The following HCRTR2 variants were observed in gnomAD, a reference collection of about 807,000 sequenced individuals.
The protein encoded by HCRTR2 is hypocretin receptor 2.
HCRTR2 carries 22 observed loss-of-function variants against 49.0 expected under a neutral mutation model. That is an observed-to-expected ratio of 0.45 (90% confidence interval 0.32 to 0.64). The LOEUF (loss-of-function observed/expected upper bound fraction) is 0.64, where lower values mean the gene tolerates loss of function less well. Ranked by LOEUF, HCRTR2 falls within the 30% of genes least tolerant of loss-of-function variation. HCRTR2 has a pLI of 0.04. For synonymous variants in HCRTR2, 236 were observed against 205.3 expected, an observed-to-expected ratio of 1.15 and a Z score of -1.28; for missense variants, 491 against 559.4, an observed-to-expected ratio of 0.88 and a Z score of 1.23.
At chr6:55,277,067 C>T (rs761379690) in intron 4 of HCRTR2, among the ~76,000 whole-genome samples, 3 of 152,164 alleles carry the variant, frequency 2.0e-5, no homozygotes, top group Non-Finnish European at 4.4e-5. Flanking sequence ...TGGCTGACAT[C>T]CCTTTATCAT....
intron 3 of HCRTR2, among the ~76,000 whole-genome samples, chr6:55,261,306 G>C (rs766963806): frequency 2.6e-5 from 4 of 151,856 alleles, no homozygotes; most frequent in African/African-American, 9.7e-5. Flanking sequence ...CTCAAAAGAA[G>C]GTATACAAAT....
At chr6:55,149,943 T>A (rs9475174) in intron 1 of HCRTR2, among the ~76,000 whole-genome samples, 1,748 of 152,120 alleles carry the variant, frequency 0.011, 38 homozygotes, top group African/African-American at 0.04. Flanking sequence ...TTCTAATCAA[T>A]GTTTTTTGTT....
chr6:55,263,499 G>C (rs890192576), intron 3 of HCRTR2, among the ~76,000 whole-genome samples: 1 of 152,000 alleles, frequency 6.6e-6, no homozygotes, highest in African/African-American at 2.4e-5. Flanking sequence ...GTGAAATTAC[G>C]ACTTCACATT....
intron 4 of HCRTR2, among the ~76,000 whole-genome samples, chr6:55,270,783 C>T (rs192124968): frequency 2.6e-5 from 4 of 151,818 alleles, no homozygotes; most frequent in African/African-American, 9.7e-5. Flanking sequence ...ATCCAAAATC[C>T]AAAAAAACTC....
chr6:55,202,225 A>G (rs183790342), intron 1 of HCRTR2, among the ~76,000 whole-genome samples: 2 of 152,302 alleles, frequency 1.3e-5, no homozygotes, highest in East Asian at 1.9e-4. Flanking sequence ...TTTTCAGACA[A>G]GAAATGCTAC....
intron 2 of HCRTR2, among the ~76,000 whole-genome samples, chr6:55,250,718 T>A (rs548829436): frequency 6.6e-6 from 1 of 152,242 alleles, no homozygotes; most frequent in South Asian, 2.1e-4. Flanking sequence ...TATAATCACT[T>A]ACAGTCCTCT....
intron 1 of HCRTR2, among the ~76,000 whole-genome samples, chr6:55,163,327 A>T (rs1190299355): frequency 1.3e-5 from 2 of 152,156 alleles, no homozygotes; most frequent in Non-Finnish European, 2.9e-5. Flanking sequence ...AAACAATCCT[A>T]AGCAAAAAGA....
chr6:55,123,447 G>A (rs961275494), intron 1 of HCRTR2, among the ~76,000 whole-genome samples: 6 of 152,058 alleles, frequency 3.9e-5, no homozygotes, highest in African/African-American at 1.2e-4. Flanking sequence ...CGCTTATGTT[G>A]AACCAGCCTT....
intron 1 of HCRTR2, among the ~76,000 whole-genome samples, chr6:55,112,374 T>C (rs1764060551): frequency 6.6e-6 from 1 of 151,880 alleles, no homozygotes; most frequent in Non-Finnish European, 1.5e-5. Context: ...GCCAGTGATA[T>C]GATTGTATAC....
intron 2 of HCRTR2, among the ~76,000 whole-genome samples, chr6:55,250,438 C>A (rs755742945): frequency 6.6e-6 from 1 of 152,010 alleles, no homozygotes; most frequent in East Asian, 1.9e-4. Context: ...CAATAACTAC[C>A]CAGGAGAATA....
intron 4 of HCRTR2, among the ~76,000 whole-genome samples, chr6:55,270,722 G>T (rs1041903035): frequency 6.6e-6 from 1 of 152,064 alleles, no homozygotes; most frequent in Non-Finnish European, 1.5e-5. Flanking sequence ...TAAGTTTTGG[G>T]TTTAGACTTA....
At chr6:55,126,411 C>T (rs1421091575) in intron 1 of HCRTR2, among the ~76,000 whole-genome samples, 1 of 152,174 alleles carries the variant, frequency 6.6e-6, no homozygotes, top group Admixed American at 6.5e-5. Context: ...ACCCTGTTTG[C>T]CTGAGTATCA....
intron 1 of HCRTR2, among the ~76,000 whole-genome samples, chr6:55,107,001 G>C (rs76209158): frequency 2.0e-5 from 3 of 152,108 alleles, no homozygotes; most frequent in Non-Finnish European, 4.4e-5. Context: ...ACTCTCCAAG[G>C]TGATTGTAAG....
intron 2 of HCRTR2, among the ~76,000 whole-genome samples, chr6:55,249,990 C>G (rs768067178): frequency 6.6e-6 from 1 of 152,006 alleles, no homozygotes; most frequent in African/African-American, 2.4e-5. Flanking sequence ...TAGCCTATTA[C>G]TAGACATTAT....
intron 1 of HCRTR2, among the ~76,000 whole-genome samples, chr6:55,138,500 G>A (rs760206185): frequency 2.6e-5 from 4 of 152,152 alleles, no homozygotes; most frequent in Non-Finnish European, 5.9e-5. Flanking sequence ...AGCAATATGC[G>A]CATGCTGCTT....
chr6:55,158,455 A>T (rs1764760253), intron 1 of HCRTR2, among the ~76,000 whole-genome samples: 1 of 152,110 alleles, frequency 6.6e-6, no homozygotes, highest in Non-Finnish European at 1.5e-5. Flanking sequence ...AGTGAGACAG[A>T]ACCATTCACT....
rs187268630 is a variant in HCRTR2 at position 55,199,176 on chromosome 6, G to A, written c.223+24366G>A. The stretch of plus-strand genomic sequence containing the variant: ...GTATTGTAATGACAAAAACACACAC[G>A]ACTACCACAAATGTTGAGGAAGAAT... On this transcript the variant is annotated intron_variant, in intron 1 of 6. Coordinates refer to ENST00000370862, the MANE Select transcript of HCRTR2 (RefSeq NM_001384272.1). Among the ~76,000 whole-genome samples the A allele has an allele frequency of 1.1e-4, 16 of 152,046 alleles. No homozygotes were observed. In the East Asian group the frequency reaches 2.1e-3, roughly 20 times the overall value.
intron 4 of HCRTR2, among the ~76,000 whole-genome samples, chr6:55,265,256 A>G (rs1291487278): frequency 6.6e-6 from 1 of 152,078 alleles, no homozygotes; most frequent in East Asian, 1.9e-4. Flanking sequence ...GCCAATGCTT[A>G]TATTTTAGGG....
intron 1 of HCRTR2, among the ~76,000 whole-genome samples, chr6:55,233,115 G>A (rs1348321438): frequency 6.8e-6 from 1 of 146,066 alleles, no homozygotes; most frequent in African/African-American, 2.5e-5. Context: ...TTTTGATGGT[G>A]TCTTGCTCTG....
Sources: gnomAD v4.1 joint callset for allele counts (sites outside exome capture counted in the v4.1 genomes callset) on GRCh38, gnomAD v4.1.1 for gene constraint, MANE v1.5 for transcripts, NCBI Gene and HGNC (gene_info 2026-07-23, HGNC 2026-07-21) for gene names.